Variants in LINGO2 observed in about 807,000 individuals in gnomAD.
LINGO2 encodes the protein leucine rich repeat and Ig domain containing 2.
Under a neutral mutation model 30.6 loss-of-function variants are expected in LINGO2, and 14 were observed. The ratio of observed to expected loss-of-function variants is 0.46; its 90% CI spans 0.30 to 0.72. LINGO2 has a LOEUF of 0.72. Among genes scored for constraint, LINGO2 ranks in the 30% least tolerant of loss-of-function variants. LINGO2 has a pLI of 0.07. For missense variants in LINGO2, 729 were observed against 751.7 expected, an observed-to-expected ratio of 0.97 and a Z score of 0.35; for synonymous variants, 317 against 288.5, an observed-to-expected ratio of 1.10 and a Z score of -1.00.
the LINGO2 span, among the ~76,000 whole-genome samples, chr9:28,680,779 T>C: frequency 6.6e-6 from 1 of 152,122 alleles, no homozygotes; most frequent in Non-Finnish European, 1.5e-5. Flanking sequence ...TTTTGAGAAA[T>C]GTCTGTTCAG....
At chr9:28,032,677 G>C (rs1456573723) in intron 4 of LINGO2, among the ~76,000 whole-genome samples, 1 of 152,144 alleles carries the variant, frequency 6.6e-6, no homozygotes, top group African/African-American at 2.4e-5. Flanking sequence ...ACTAGTTGGC[G>C]ACAGACCAGG....
chr9:29,162,255 A>G, the LINGO2 span, among the ~76,000 whole-genome samples: 24,310 of 152,164 alleles, frequency 0.16, 2,072 homozygotes, highest in East Asian at 0.37. Flanking sequence ...AAAGATAACC[A>G]TTCATCCACA....
At chr9:28,643,437 GA>G (rs1827696407) in intron 1 of LINGO2, among the ~76,000 whole-genome samples, 1 of 151,948 alleles carries the variant, frequency 6.6e-6, no homozygotes, top group African/African-American at 2.4e-5. Context: ...ACACACTTGG[GA>G]AAAGACAGTC....
At chr9:29,188,875 C>G in the LINGO2 span, among the ~76,000 whole-genome samples, 1 of 148,546 alleles carries the variant, frequency 6.7e-6, no homozygotes, top group Admixed American at 6.6e-5. Flanking sequence ...GCTGGCCGGG[C>G]AGAGGGGCTC....
At chr9:28,595,138 GC>G (rs1351550945) in intron 1 of LINGO2, among the ~76,000 whole-genome samples, 5 of 152,000 alleles carry the variant, frequency 3.3e-5, no homozygotes, top group African/African-American at 1.2e-4. Flanking sequence ...TTGAGCTCAG[GC>G]TTCATATCTA....
chr9:28,739,554 A>G, the LINGO2 span, among the ~76,000 whole-genome samples: 1 of 151,876 alleles, frequency 6.6e-6, no homozygotes, highest in Non-Finnish European at 1.5e-5. Context: ...GAACAAAAGG[A>G]ATAAATTTCT....
At chr9:28,750,734 C>T in the LINGO2 span, among the ~76,000 whole-genome samples, 2 of 151,890 alleles carry the variant, frequency 1.3e-5, no homozygotes, top group African/African-American at 2.4e-5. Context: ...ATCATTTTAC[C>T]GCATATAACT....
chr9:29,071,157 TTGTATTGTA>T, the LINGO2 span, among the ~76,000 whole-genome samples: 42 of 108,078 alleles, frequency 3.9e-4, no homozygotes, highest in African/African-American at 1.6e-3. Flanking sequence ...CAGAGAATTA[TTGTATTGTA>T]TTGTATTGTA....
At chr9:28,844,897 G>A in the LINGO2 span, among the ~76,000 whole-genome samples, 1,407 of 151,962 alleles carry the variant, frequency 9.3e-3, 54 homozygotes, top group African/African-American at 0.033. Context: ...GTTTGTGACA[G>A]AGGGACTAAA....
At chr9:28,451,958 T>A (rs1824664145) in intron 2 of LINGO2, among the ~76,000 whole-genome samples, 1 of 151,626 alleles carries the variant, frequency 6.6e-6, no homozygotes, top group Admixed American at 6.6e-5. Flanking sequence ...TCTTGACCAT[T>A]AAAATATACT....
chr9:28,035,289 TTTC>T, intron 4 of LINGO2, among the ~76,000 whole-genome samples: 1 of 152,320 alleles, frequency 6.6e-6, no homozygotes, highest in South Asian at 2.1e-4. Context: ...AAGCCATATA[TTTC>T]CTTATAGGAC....
At chr9:28,082,862 A>T (rs770162843) in intron 4 of LINGO2, among the ~76,000 whole-genome samples, 3 of 151,924 alleles carry the variant, frequency 2.0e-5, no homozygotes, top group Non-Finnish European at 4.4e-5. Flanking sequence ...GAGCCAAAAC[A>T]CTAAATGTAA....
rs141151588 is a variant in LINGO2 at position 28,221,298 on chromosome 9, T to TA, written c.-87+73909dup. 1.4e-3 allele frequency among the ~76,000 whole-genome samples: 119 copies of TA among 83,726 alleles called. 5 individuals are homozygous for TA. The highest frequency in any genetic ancestry group is 8.6e-3 in the Middle Eastern group (1 of 116). The allele number at this position is 83,726 out of a possible 152,430, so 54.9% of individuals were successfully genotyped here. A position where few individuals can be genotyped will look rare whatever the true frequency, so the allele number is the denominator to read the frequency against. The stretch of plus-strand genomic sequence containing the variant: ...CTGGGTGACAGAGCCAGACCCCGTC[T>TA]AAAAAAAAAAAAAAAAAAAAAAAAA... On this transcript the variant is annotated intron_variant, in intron 4 of 5. Transcript: ENST00000379992.
At chr9:28,443,154 C>T (rs1025137382) in intron 2 of LINGO2, among the ~76,000 whole-genome samples, 4 of 152,156 alleles carry the variant, frequency 2.6e-5, no homozygotes, top group Admixed American at 2.0e-4. Flanking sequence ...CCAATTGCCT[C>T]GCTTCATCTA....
At chr9:27,964,235 T>A (rs1158499414) in intron 5 of LINGO2, among the ~76,000 whole-genome samples, 1 of 152,028 alleles carries the variant, frequency 6.6e-6, no homozygotes, top group Non-Finnish European at 1.5e-5. Context: ...ATCAAATGTG[T>A]TATATATTAT....
At chr9:28,158,124 C>G (rs906302116) in intron 4 of LINGO2, among the ~76,000 whole-genome samples, 9 of 152,092 alleles carry the variant, frequency 5.9e-5, no homozygotes, top group African/African-American at 2.2e-4. Flanking sequence ...CATGCCCAGT[C>G]CTTCCACATG....
At chr9:28,027,780 C>T (rs778714402) in intron 4 of LINGO2, among the ~76,000 whole-genome samples, 8 of 152,144 alleles carry the variant, frequency 5.3e-5, no homozygotes, top group African/African-American at 9.7e-5. Flanking sequence ...ATCATTCTAG[C>T]CCTGGCCTTA....
chr9:28,014,096 C>G (rs565588438), intron 4 of LINGO2, among the ~76,000 whole-genome samples: 1 of 152,136 alleles, frequency 6.6e-6, no homozygotes, highest in African/African-American at 2.4e-5. Context: ...CTGTGTAGGA[C>G]GTGGTTACCA....
chr9:27,969,457 T>C (rs995957306), intron 5 of LINGO2, among the ~76,000 whole-genome samples: 13 of 152,174 alleles, frequency 8.5e-5, no homozygotes, highest in Non-Finnish European at 1.5e-4. Context: ...TATCTTTCTA[T>C]ATAATATTTG....
Sources: allele counts gnomAD v4.1 joint callset (sites outside exome capture counted in the v4.1 genomes callset), GRCh38; gene constraint gnomAD v4.1.1; transcripts MANE v1.5; gene names NCBI Gene and HGNC (gene_info 2026-07-23, HGNC 2026-07-21).